The following UBR2 variants were observed in gnomAD, a reference collection of about 807,000 sequenced individuals.
UBR2 encodes the protein E3 ubiquitin-protein ligase UBR2.
In UBR2, 92 loss-of-function variants were observed where a neutral mutation model predicts 247.9. The ratio of observed to expected loss-of-function variants is 0.37; its 90% CI spans 0.31 to 0.44. The LOEUF is 0.44. Ranked by LOEUF, UBR2 falls within the 20% of genes least tolerant of loss-of-function variation. The pLI is 1.00. For missense variants in UBR2, 1,613 were observed against 2,112.6 expected (o/e 0.76, Z 4.64); for synonymous variants, 672 against 693.5 (o/e 0.97, Z 0.49).
chr6:42,681,581 A>T (rs891775757), intron 42 of UBR2, among the ~76,000 whole-genome samples: 151 of 123,172 alleles, frequency 1.2e-3, no homozygotes, highest in African/African-American at 3.7e-3. Context: ...TTACTTTTTT[A>T]AAAAAAGAAA....
Position 42,564,046 on chromosome 6 carries a change from T to C in UBR2, c.-274T>C. On this transcript the variant is annotated 5_prime_UTR_variant, in exon 1 of 47. Coordinates refer to ENST00000372901, the MANE Select transcript of UBR2 (RefSeq NM_001363705.2). ...AGGACGCGGTAGTGGCCAGCGAGAG[T>C]GTCAGGCCTGGGGTTTTCTGTGTCC... is the stretch of plus-strand genomic sequence containing the variant. The C allele has an allele frequency of 2.1e-6, 1 of 485,556 alleles. No homozygotes were observed. The allele number at this position is 485,556 out of a possible 1,614,324, so 30.1% of individuals were successfully genotyped here.
At chr6:42,590,312 G>A (rs557212047) in intron 2 of UBR2, among the ~76,000 whole-genome samples, 2 of 152,178 alleles carry the variant, frequency 1.3e-5, no homozygotes, top group East Asian at 1.9e-4. Flanking sequence ...CTTTTAATAC[G>A]GTAGTCAACA....
intron 11 of UBR2, among the ~76,000 whole-genome samples, chr6:42,617,925 A>G (rs1562316169): frequency 6.6e-6 from 1 of 152,226 alleles, no homozygotes; most frequent in African/African-American, 2.4e-5. Context: ...TAGCTAAGGC[A>G]ATTGAATCCT....
intron 2 of UBR2, among the ~76,000 whole-genome samples, chr6:42,589,141 A>G (rs1792492135): frequency 6.6e-6 from 1 of 152,054 alleles, no homozygotes; most frequent in Non-Finnish European, 1.5e-5. Context: ...TAATTTTTAT[A>G]AAAAATTTTT....
chr6:42,623,000 A>T (rs1795096440), intron 11 of UBR2, among the ~76,000 whole-genome samples: 1 of 152,086 alleles, frequency 6.6e-6, no homozygotes, highest in South Asian at 2.1e-4. Context: ...TTCTGTGTAC[A>T]TAATCATATC....
chr6:42,611,914 G>T (rs115397810), intron 7 of UBR2, among the ~76,000 whole-genome samples: 8 of 119,518 alleles, frequency 6.7e-5, no homozygotes, highest in Admixed American at 5.0e-4. Context: ...CTCAAAAAAA[G>T]AAAAAAAAAA....
intron 8 of UBR2, among the ~76,000 whole-genome samples, chr6:42,612,655 A>G (rs1311896634): frequency 1.3e-5 from 2 of 152,222 alleles, no homozygotes; most frequent in African/African-American, 4.8e-5. Flanking sequence ...AGTAAGCTGG[A>G]AAAATGCTGC....
chr6:42,619,426 TATATATATA>T lies in UBR2; in HGVS notation c.1281+1920_1281+1928del, dbSNP rs1562317748. ...CTCGTTATGAACATATATATATATA[TATATATATA>T]TATATATATATATATATATTTTTTT... On this transcript the variant is annotated intron_variant, in intron 11 of 46. Transcript: ENST00000372901. 1.4e-3 allele frequency: 21 copies of T among 14,948 alleles called. 2 individuals carry two copies. Among genetic ancestry groups the T allele is most frequent in the African/African-American group, 4.7e-3 (18 of 3,836 alleles). The allele number at this position is 14,948 out of a possible 1,614,324, so 0.9% of individuals were successfully genotyped here. A position where few individuals can be genotyped will look rare whatever the true frequency, so the allele number is the denominator to read the frequency against.
At chr6:42,638,347 C>G (rs1409507364) in intron 15 of UBR2, among the ~76,000 whole-genome samples, 1 of 151,828 alleles carries the variant, frequency 6.6e-6, no homozygotes, top group Non-Finnish European at 1.5e-5. Flanking sequence ...AATGATTCCT[C>G]TTTCATTCTG....
rs545910126 is a variant in UBR2, at chr6:42,612,434, T to C, written c.985+143T>C. The C allele has an allele frequency of 1.9e-4, 199 of 1,073,220 alleles. 1 individual carries two copies. In the South Asian group the frequency reaches 4.8e-3, roughly 26 times the overall value. The allele number at this position is 1,073,220 out of a possible 1,614,324, so 66.5% of individuals were successfully genotyped here. ...AAAATACCATTTCAAAATATCTTTA[T>C]GCATAGAAGAAAACCTATGTTTAAC... On this transcript the variant is annotated intron_variant, in intron 8 of 46. Transcript: ENST00000372901.
At position 42,659,520 on chromosome 6, in the gene UBR2, T is replaced by TATACACACAC. The variant is rs1404867350; in HGVS notation, c.3243-135_3243-134insTACACACACA. On this transcript the variant is annotated intron_variant, in intron 29 of 46. Coordinates refer to ENST00000372901, the MANE Select transcript of UBR2 (RefSeq NM_001363705.2). This position sits in a 1 kb window ranked among gnomAD's most constrained non-coding sequence, Gnocchi z 4.3. ...GTCTCAAAAAATAAATAAATATATA[T>TATACACACAC]ACACACACACACACACACACACACA... 2 of 502,968 alleles carry TATACACACAC rather than the reference T, an allele frequency of 4.0e-6. No individual in the cohort carries two copies. The highest frequency in any genetic ancestry group is 2.7e-5 in the South Asian group (1 of 37,482). The allele number at this position is 502,968 out of a possible 1,614,324, so 31.2% of individuals were successfully genotyped here.
At chr6:42,573,301 A>C (rs1562274279) in intron 1 of UBR2, among the ~76,000 whole-genome samples, 1 of 152,212 alleles carries the variant, frequency 6.6e-6, no homozygotes. Flanking sequence ...TGTTCACCGT[A>C]CATATTGGCT....
intron 28 of UBR2, 57 bp downstream of exon 28, chr6:42,658,377 CA>C: frequency 1.3e-6 from 2 of 1,483,592 alleles, no homozygotes; most frequent in Non-Finnish European, 1.8e-6. Flanking sequence ...TCAGTATGAA[CA>C]AAATAAATTT....
At chr6:42,597,130 G>A (rs1019205230) in intron 4 of UBR2, among the ~76,000 whole-genome samples, 1 of 152,054 alleles carries the variant, frequency 6.6e-6, no homozygotes, top group African/African-American at 2.4e-5. Flanking sequence ...TCATACATTA[G>A]TGGGATGGCT....
Position 42,691,295 on chromosome 6 carries a change from A to T in UBR2, c.*122A>T, listed in dbSNP as rs1799738564. ...TATTTAAACTTTCCTTCCCAGTTTTATAGTTTCTGGTTCTGAGGACTGATG... is the reference window on the plus strand; with the variant it reads ...TATTTAAACTTTCCTTCCCAGTTTTTTAGTTTCTGGTTCTGAGGACTGATG... On this transcript the variant is annotated 3_prime_UTR_variant, in exon 47 of 47. Transcript: ENST00000372901. 7.2e-7 allele frequency: 1 copy of T among 1,397,666 alleles called. No homozygotes were observed. Among genetic ancestry groups the T allele is most frequent in the Non-Finnish European group, 9.8e-7 (1 of 1,019,882 alleles). 86.6% of individuals were successfully genotyped at this position (1,397,666 alleles called of 1,614,324 possible). A position where few individuals can be genotyped will look rare whatever the true frequency, so the allele number is the denominator to read the frequency against.
chr6:42,643,329 C>T (rs1394669003), intron 18 of UBR2, among the ~76,000 whole-genome samples: 1 of 152,184 alleles, frequency 6.6e-6, no homozygotes, highest in Non-Finnish European at 1.5e-5. Flanking sequence ...GGCACAGAGG[C>T]TCACACCTGT....
At chr6:42,630,121 T>TAGTAGC (rs1295392682) in intron 11 of UBR2, among the ~76,000 whole-genome samples, 5 of 149,834 alleles carry the variant, frequency 3.3e-5, no homozygotes, top group Non-Finnish European at 3.0e-5. Flanking sequence ...GCAGTAGTAG[T>TAGTAGC]AGTAGCAGTA....
At chr6:42,663,490 G>A (rs1470424114) in intron 32 of UBR2, 71 bp downstream of exon 32, 2 of 1,464,212 alleles carry the variant, frequency 1.4e-6, no homozygotes, top group Non-Finnish European at 1.8e-6. Flanking sequence ...AATAAATCAA[G>A]GAGGAAAACT....
chr6:42,571,037 T>C (rs1791095187), intron 1 of UBR2, among the ~76,000 whole-genome samples: 3 of 151,840 alleles, frequency 2.0e-5, no homozygotes, highest in Admixed American at 2.0e-4. Flanking sequence ...TGAATTTTTG[T>C]TGAAGAAATC....
Sources: allele counts gnomAD v4.1 joint callset (sites outside exome capture counted in the v4.1 genomes callset), GRCh38; gene constraint gnomAD v4.1.1; non-coding constraint Gnocchi (gnomAD v3.1); transcripts MANE v1.5; gene names NCBI Gene and HGNC (gene_info 2026-07-23, HGNC 2026-07-21).